Variants in SCAF8 observed in about 807,000 individuals in gnomAD.
SCAF8 encodes the protein SR-related and CTD-associated factor 8.
In SCAF8, 23 loss-of-function variants were observed where a neutral mutation model predicts 140.5. That is an observed-to-expected ratio of 0.16 (90% CI 0.12 to 0.23). The LOEUF is 0.23. Ranked by LOEUF, SCAF8 falls within the 10% of genes least tolerant of loss-of-function variation. The pLI is 1.00. For synonymous variants in SCAF8, 575 were observed against 528.9 expected, an observed-to-expected ratio of 1.09 and a Z score of -1.20; for missense variants, 1,397 against 1,555.7, an observed-to-expected ratio of 0.90 and a Z score of 1.72.
At chr6:154,795,736 G>C (rs994959367) in intron 6 of SCAF8, among the ~76,000 whole-genome samples, 1 of 152,198 alleles carries the variant, frequency 6.6e-6, no homozygotes, top group Non-Finnish European at 1.5e-5. Context: ...GGCTTCTGTG[G>C]CTAGAACTTC....
At chr6:154,740,693 T>C (rs1166646331) in intron 1 of SCAF8, among the ~76,000 whole-genome samples, 1 of 150,130 alleles carries the variant, frequency 6.7e-6, no homozygotes, top group Non-Finnish European at 1.5e-5. Flanking sequence ...CATCAAGGGC[T>C]CACTGCAACC....
rs370492319 is a variant in SCAF8, at chr6:154,801,952, T to C, written c.607-19T>C. 1 of 1,543,546 alleles carries C rather than the reference T, an allele frequency of 6.5e-7. No individual in the cohort carries two copies. The highest frequency in any genetic ancestry group is 8.7e-7 in the Non-Finnish European group (1 of 1,146,148). On this transcript the variant is annotated intron_variant, in intron 6 of 19. Transcript: ENST00000367178. ...AAAACCCAACACCTGTTTTGTAATATATATTTTTTTCTCTCCAGCTTCAAC... is the reference window on the plus strand; with the variant it reads ...AAAACCCAACACCTGTTTTGTAATACATATTTTTTTCTCTCCAGCTTCAAC...
At position 154,833,056 on chromosome 6, in the gene SCAF8, A is replaced by G. The variant is rs148780725; in HGVS notation, c.3477A>G (p.Gln1159=). Residue 1159 remains glutamine (Q), a synonymous_variant, in exon 20 of 20, where the codon CAA becomes CAG. Coordinates refer to ENST00000367178, the MANE Select transcript of SCAF8 (RefSeq NM_014892.5). ...FDDRRRPWER[Q]RDRDDRDFDF... ...ACCGCAGAAGACCCTGGGAGAGGCA[A>G]AGGGATAGGGATGACAGAGATTTTG... 1.9e-5 allele frequency: 31 copies of G among 1,614,172 alleles called. No homozygotes were observed. The African/African-American group carries it at 3.7e-4, about 19-fold the overall frequency.
chr6:154,811,038 AT>A (rs1778074025), intron 12 of SCAF8, among the ~76,000 whole-genome samples: 3 of 152,202 alleles, frequency 2.0e-5, no homozygotes, highest in African/African-American at 7.2e-5. Context: ...ATAAAAGGCA[AT>A]AGCCATCTTC....
intron 1 of SCAF8, among the ~76,000 whole-genome samples, chr6:154,751,725 G>A (rs1304548397): frequency 6.6e-6 from 1 of 152,084 alleles, no homozygotes; most frequent in African/African-American, 2.4e-5. Context: ...TATTGAGTGT[G>A]ATCTTGGTAG....
At chr6:154,768,635 T>C (rs1417941855) in intron 1 of SCAF8, among the ~76,000 whole-genome samples, 1 of 152,276 alleles carries the variant, frequency 6.6e-6, no homozygotes, top group Non-Finnish European at 1.5e-5. Context: ...TAAACTAGTA[T>C]CTACATATAT....
intron 12 of SCAF8, among the ~76,000 whole-genome samples, chr6:154,811,006 G>A (rs989041386): frequency 1.3e-5 from 2 of 152,196 alleles, no homozygotes; most frequent in African/African-American, 2.4e-5. Context: ...CTACTAGAGC[G>A]TCTTGGAAAC....
At position 154,733,478 on chromosome 6, in the gene SCAF8, G is replaced by A. The variant is rs1209952490; in HGVS notation, c.-423G>A. On this transcript the variant is annotated 5_prime_UTR_variant, in exon 1 of 20. Coordinates refer to ENST00000367178, the MANE Select transcript of SCAF8 (RefSeq NM_014892.5). The stretch of plus-strand genomic sequence containing the variant: ...CCTCTGTCTTCGCCGAGCGGGGCTG[G>A]TTCCTGCGGCCCGAGCGGCGGGGAG... 7.4e-6 allele frequency: 10 copies of A among 1,351,478 alleles called. No homozygotes were observed. The highest frequency in any genetic ancestry group is 8.5e-6 in the Non-Finnish European group (9 of 1,055,228). The allele number at this position is 1,351,478 out of a possible 1,614,324, so 83.7% of individuals were successfully genotyped here. A position where few individuals can be genotyped will look rare whatever the true frequency, so the allele number is the denominator to read the frequency against.
rs376393887 is a variant in SCAF8 at position 154,833,402 on chromosome 6, C to T, written c.*7C>T. 2 of 1,607,852 alleles carry T rather than the reference C, an allele frequency of 1.2e-6. No individual in the cohort carries two copies. The highest frequency in any genetic ancestry group is 1.3e-5 in the African/African-American group (1 of 74,550). On this transcript the variant is annotated 3_prime_UTR_variant, in exon 20 of 20. Coordinates refer to ENST00000367178, the MANE Select transcript of SCAF8 (RefSeq NM_014892.5). ...AGAAACTGAGGGGACATAATCATCACTCAGTAGGTAAAAGATACCTTTTGT... is the reference window on the plus strand; with the variant it reads ...AGAAACTGAGGGGACATAATCATCATTCAGTAGGTAAAAGATACCTTTTGT...
rs778582945 is a variant in SCAF8, at chr6:154,792,911, G to T, written c.410G>T (p.Gly137Val). The T allele has an allele frequency of 6.2e-7, 1 of 1,613,768 alleles. No individual in the cohort carries two copies. Among genetic ancestry groups the T allele is most frequent in the Non-Finnish European group, 8.5e-7 (1 of 1,179,874 alleles). ...CAGCCCCTTTTGGATATGGCAGCCGGGATTCCGCCTCCAGTTGTCACACCT... is the reference window on the plus strand; with the variant it reads ...CAGCCCCTTTTGGATATGGCAGCCGTGATTCCGCCTCCAGTTGTCACACCT... ...IIQPLLDMAA[G>V]IPPPVVTPVL... Residue 137 changes from glycine to valine, a missense_variant, in exon 5 of 20, where the codon GGG becomes GTG. This residue lies in a region of SCAF8 where 339 missense variants were observed against 407.5 expected (regional missense o/e 0.83). Coordinates refer to ENST00000367178, the MANE Select transcript of SCAF8 (RefSeq NM_014892.5).
chr6:154,758,532 G>A (rs957107364), intron 1 of SCAF8, among the ~76,000 whole-genome samples: 4 of 152,180 alleles, frequency 2.6e-5, no homozygotes, highest in African/African-American at 7.2e-5. Flanking sequence ...AGCCCAGGAC[G>A]TAGTTCATGC....
intron 1 of SCAF8, among the ~76,000 whole-genome samples, chr6:154,770,184 C>T (rs1163136698): frequency 2.0e-5 from 3 of 152,042 alleles, no homozygotes; most frequent in Admixed American, 2.0e-4. Context: ...TGTGGTGGCT[C>T]ACACCTGTAA....
chr6:154,784,396 A>G (rs1163023159), intron 3 of SCAF8, among the ~76,000 whole-genome samples: 4 of 152,070 alleles, frequency 2.6e-5, no homozygotes, highest in African/African-American at 7.2e-5. Context: ...TTTCAAATAT[A>G]TCTTAAGCTT....
intron 18 of SCAF8, among the ~76,000 whole-genome samples, chr6:154,830,047 A>G (rs775584657): frequency 1.3e-5 from 2 of 152,176 alleles, no homozygotes; most frequent in African/African-American, 2.4e-5. Flanking sequence ...CCTAGGGCCA[A>G]CCTCCCAATT....
chr6:154,760,777 ATTTTT>A (rs1400858449), intron 1 of SCAF8, among the ~76,000 whole-genome samples: 2 of 151,982 alleles, frequency 1.3e-5, no homozygotes, highest in Admixed American at 1.3e-4. Context: ...AGTTCTAAGA[ATTTTT>A]TATTTATTAA....
chr6:154,744,083 AG>A (rs1379427615), intron 1 of SCAF8, among the ~76,000 whole-genome samples: 1 of 152,222 alleles, frequency 6.6e-6, no homozygotes, highest in East Asian at 1.9e-4. Context: ...TCACGAGGTC[AG>A]GAGTTTGAGA....
At chr6:154,799,614 C>G (rs944153506) in intron 6 of SCAF8, among the ~76,000 whole-genome samples, 1 of 151,134 alleles carries the variant, frequency 6.6e-6, no homozygotes, top group Non-Finnish European at 1.5e-5. Flanking sequence ...GTAACTTGTT[C>G]CATCCTTTTT....
At chr6:154,793,715 T>C (rs1239363728) in intron 5 of SCAF8, among the ~76,000 whole-genome samples, 2 of 145,210 alleles carry the variant, frequency 1.4e-5, no homozygotes, top group Admixed American at 7.3e-5. Flanking sequence ...CTGGGGAGGC[T>C]GAGGCAGGAG....
chr6:154,831,930 T>C lies in SCAF8; in HGVS notation c.2360-9T>C. 2 of 1,569,260 alleles carry C rather than the reference T, an allele frequency of 1.3e-6. No individual in the cohort carries two copies. Among genetic ancestry groups the C allele is most frequent in the South Asian group, 1.2e-5 (1 of 83,416 alleles). On this transcript the variant is annotated splice_polypyrimidine_tract_variant and intron_variant, in intron 19 of 19. Transcript: ENST00000367178. The stretch of plus-strand genomic sequence containing the variant: ...ATTTTGAGTTTTTTCTCTCTCTCTT[T>C]TTTTTTAGTGATTCCAAATGATATT...
Sources: gnomAD v4.1 joint callset for allele counts (sites outside exome capture counted in the v4.1 genomes callset) on GRCh38, gnomAD v4.1.1 for gene constraint, gnomAD v4.1.1 regional missense constraint, MANE v1.5 for transcripts, NCBI Gene and HGNC (gene_info 2026-07-23, HGNC 2026-07-21) for gene names.